The following FAM184A variants were observed in gnomAD, a reference collection of about 807,000 sequenced individuals.
FAM184A encodes protein FAM184A.
Under a neutral mutation model 143.8 loss-of-function variants are expected in FAM184A, and 99 were observed. The ratio of observed to expected loss-of-function variants is 0.69; its 90% CI spans 0.58 to 0.81. The LOEUF is 0.81. Among genes scored for constraint, FAM184A ranks in the 40% least tolerant of loss-of-function variants. FAM184A has a pLI of 0.00. For synonymous variants in FAM184A, 427 were observed against 446.4 expected, an observed-to-expected ratio of 0.96 and a Z score of 0.55; for missense variants, 1,217 against 1,310.5, an observed-to-expected ratio of 0.93 and a Z score of 1.10.
intron 1 of FAM184A, among the ~76,000 whole-genome samples, chr6:119,049,316 C>T (rs979124943): frequency 2.0e-5 from 3 of 152,098 alleles, no homozygotes; most frequent in Non-Finnish European, 4.4e-5. Context: ...GGCGTGGTGG[C>T]GGGCACCTAT....
chr6:119,093,984 TCCTCCCTCCCTCCCTCCCCTCC>T (rs1788439043), intron 1 of FAM184A, among the ~76,000 whole-genome samples: 1 of 149,296 alleles, frequency 6.7e-6, no homozygotes, highest in Non-Finnish European at 1.5e-5. Context: ...CTTCCTTCCT[TCCTCCCTCCCTCCCTCCCCTCC>T]CCTCCCTCCC....
chr6:119,135,040 C>T (rs1384567874), intron 1 of FAM184A, among the ~76,000 whole-genome samples: 1 of 152,142 alleles, frequency 6.6e-6, no homozygotes, highest in Non-Finnish European at 1.5e-5. Flanking sequence ...CGTACATATG[C>T]ACTAGAAAAC....
intron 6 of FAM184A, among the ~76,000 whole-genome samples, chr6:119,006,932 G>A (rs1281109584): frequency 6.6e-6 from 1 of 151,992 alleles, no homozygotes; most frequent in Admixed American, 6.6e-5. Context: ...ATATAAAAGA[G>A]TAAAACAAAA....
chr6:119,035,055 G>C (rs1182201524), intron 1 of FAM184A, among the ~76,000 whole-genome samples: 1 of 152,102 alleles, frequency 6.6e-6, no homozygotes, highest in Non-Finnish European at 1.5e-5. Flanking sequence ...TGAGCCAAAG[G>C]TCAGAATTAG....
chr6:119,000,410 G>A (rs1394008851), intron 9 of FAM184A, among the ~76,000 whole-genome samples: 5 of 152,160 alleles, frequency 3.3e-5, no homozygotes, highest in Admixed American at 3.3e-4. Context: ...AGAACACAAT[G>A]AAATATTAAA....
chr6:119,101,845 C>G (rs1972391), intron 1 of FAM184A, among the ~76,000 whole-genome samples: 82,664 of 151,834 alleles, frequency 0.54, 22,937 homozygotes, highest in East Asian at 0.73. Flanking sequence ...CACCCGAGGT[C>G]AGGAGTTCAA....
chr6:119,026,183 G>A (rs1785628910), intron 1 of FAM184A, among the ~76,000 whole-genome samples: 1 of 152,186 alleles, frequency 6.6e-6, no homozygotes, highest in Non-Finnish European at 1.5e-5. Flanking sequence ...GAACCCATCT[G>A]TCTTGCCATG....
intron 1 of FAM184A, among the ~76,000 whole-genome samples, chr6:119,116,050 C>G (rs1036982446): frequency 1.2e-4 from 18 of 150,866 alleles, no homozygotes; most frequent in Admixed American, 9.9e-4. Flanking sequence ...GGACTAGAGA[C>G]TGTCTTGGGG....
intron 16 of FAM184A, chr6:118,963,114 A>C (rs2114531914): frequency 6.6e-6 from 1 of 152,230 alleles, no homozygotes; most frequent in Non-Finnish European, 1.5e-5. Context: ...AACTAAAGTC[A>C]CTATTAGGAG....
chr6:119,068,047 GTTTT>G (rs148034802), intron 1 of FAM184A, among the ~76,000 whole-genome samples: 2 of 112,276 alleles, frequency 1.8e-5, no homozygotes, highest in Admixed American at 9.4e-5. Context: ...TTGTGTGTGG[GTTTT>G]TTTTTTTTTT....
intron 9 of FAM184A, among the ~76,000 whole-genome samples, chr6:118,986,938 C>T (rs1050924171): frequency 2.6e-5 from 4 of 151,866 alleles, no homozygotes; most frequent in Non-Finnish European, 5.9e-5. Flanking sequence ...TTTGTTGTTT[C>T]TTTTAAGAGA....
intron 11 of FAM184A, 89 bp downstream of exon 11, chr6:118,979,276 A>G (rs753848804): frequency 7.6e-6 from 10 of 1,319,180 alleles, no homozygotes; most frequent in Non-Finnish European, 2.1e-6. Flanking sequence ...TCAAAATTTT[A>G]AAATAAAACT....
chr6:119,008,314 T>C (rs1229766798), intron 6 of FAM184A, among the ~76,000 whole-genome samples: 1 of 152,218 alleles, frequency 6.6e-6, no homozygotes, highest in Non-Finnish European at 1.5e-5. Flanking sequence ...ATTTTGTTTG[T>C]ATGTGGATTG....
chr6:119,107,176 C>T (rs1421988779), intron 1 of FAM184A, among the ~76,000 whole-genome samples: 1 of 152,086 alleles, frequency 6.6e-6, no homozygotes, highest in African/African-American at 2.4e-5. Context: ...TTTCAGTCTG[C>T]CAAAGCCAAT....
chr6:119,065,916 T>G (rs1458796430), intron 1 of FAM184A, among the ~76,000 whole-genome samples: 1 of 152,210 alleles, frequency 6.6e-6, no homozygotes, highest in Non-Finnish European at 1.5e-5. Flanking sequence ...AAAGCAGTAG[T>G]ACATGAGAGC....
chr6:118,965,894 A>G (rs1012432760), intron 15 of FAM184A, among the ~76,000 whole-genome samples: 5 of 152,230 alleles, frequency 3.3e-5, no homozygotes, highest in African/African-American at 1.2e-4. Flanking sequence ...TGTGTGAAAT[A>G]TAATTTTCCA....
At chr6:119,138,935 T>G (rs1435133330) in intron 1 of FAM184A, among the ~76,000 whole-genome samples, 1 of 152,124 alleles carries the variant, frequency 6.6e-6, no homozygotes, top group Non-Finnish European at 1.5e-5. Flanking sequence ...CCCTTTCATT[T>G]ATAATGATTC....
chr6:118,976,429 G>A (rs1184459106), intron 11 of FAM184A, among the ~76,000 whole-genome samples: 2 of 152,012 alleles, frequency 1.3e-5, no homozygotes, highest in African/African-American at 2.4e-5. Context: ...TTGGGAGGCC[G>A]AGGTGGGTGG....
At chr6:119,118,444 C>A (rs763061929) in intron 1 of FAM184A, among the ~76,000 whole-genome samples, 21 of 152,250 alleles carry the variant, frequency 1.4e-4, no homozygotes, top group Non-Finnish European at 2.6e-4. Flanking sequence ...TTATGTTTCT[C>A]ATGAGTTGTT....
Sources: allele counts gnomAD v4.1 joint callset (sites outside exome capture counted in the v4.1 genomes callset), GRCh38; gene constraint gnomAD v4.1.1; transcripts MANE v1.5; gene names NCBI Gene and HGNC (gene_info 2026-07-23, HGNC 2026-07-21).